BBS9: variants seen among roughly 807,000 people sequenced by gnomAD.
BBS9 encodes Bardet-Biedl syndrome 9, also known as protein PTHB1.
Under a neutral mutation model 117.7 loss-of-function variants are expected in BBS9, and 89 were observed. That is an observed-to-expected ratio of 0.76 (90% CI 0.64 to 0.90). The LOEUF (loss-of-function observed/expected upper bound fraction) is 0.90, where lower values mean the gene tolerates loss of function less well. Among genes scored for constraint, BBS9 ranks in the 40% least tolerant of loss-of-function variants. The pLI, the probability that BBS9 is intolerant of heterozygous loss-of-function variation, is 0.00. For missense variants in BBS9, 982 were observed against 1,042.2 expected (o/e 0.94, Z 0.80); for synonymous variants, 379 against 370.9 (o/e 1.02, Z -0.25).
intron 19 of BBS9, among the ~76,000 whole-genome samples, chr7:33,463,251 A>C (rs1276314805): frequency 6.6e-6 from 1 of 152,070 alleles, no homozygotes; most frequent in Non-Finnish European, 1.5e-5. Flanking sequence ...CGTAGACCAA[A>C]ACACAGACAG....
At chr7:33,520,265 G>A (rs916206264) in intron 20 of BBS9, among the ~76,000 whole-genome samples, 2 of 152,070 alleles carry the variant, frequency 1.3e-5, no homozygotes, top group African/African-American at 4.8e-5. Flanking sequence ...ACCTGCCTCG[G>A]CCTCCCAAAG....
chr7:33,326,371 G>C (rs184146082), intron 9 of BBS9, among the ~76,000 whole-genome samples: 1 of 152,160 alleles, frequency 6.6e-6, no homozygotes, highest in Admixed American at 6.5e-5. Context: ...AATGCTGCCA[G>C]GCTTGAGCAG....
intron 4 of BBS9, among the ~76,000 whole-genome samples, chr7:33,158,186 T>A (rs1353505763): frequency 6.6e-6 from 1 of 152,192 alleles, no homozygotes; most frequent in Non-Finnish European, 1.5e-5. Context: ...GGCTTTGAGT[T>A]TAACATCCTT....
At chr7:33,274,998 A>G in intron 9 of BBS9, among the ~76,000 whole-genome samples, 1 of 148,444 alleles carries the variant, frequency 6.7e-6, no homozygotes, top group Non-Finnish European at 1.5e-5. Flanking sequence ...GTGTCTCAAA[A>G]AAAAAAAAAA....
chr7:33,239,031 C>A (rs533648724), intron 5 of BBS9, among the ~76,000 whole-genome samples: 1 of 152,178 alleles, frequency 6.6e-6, no homozygotes, highest in African/African-American at 2.4e-5. Flanking sequence ...GGACAAAAAG[C>A]TTTTGACGCA....
At chr7:33,442,556 A>C (rs1836365586) in intron 19 of BBS9, among the ~76,000 whole-genome samples, 1 of 152,222 alleles carries the variant, frequency 6.6e-6, no homozygotes, top group Admixed American at 6.5e-5. Flanking sequence ...TTTTTAAAAT[A>C]GTAAGCTAAA....
intron 5 of BBS9, among the ~76,000 whole-genome samples, chr7:33,225,272 A>G (rs1791025406): frequency 6.6e-6 from 1 of 152,100 alleles, no homozygotes; most frequent in Admixed American, 6.6e-5. Flanking sequence ...ATCACAGCTC[A>G]CTGTGGCCTT....
rs988482674 is a variant in BBS9, at chr7:33,455,697, G to C, written c.2116-49766G>C. ...ACACCCCCATGTGGTGTGGTAATTA[G>C]GGTACTGATTTTCTTTAAAAAGGCC... On this transcript the variant is annotated intron_variant, in intron 19 of 22. Transcript: ENST00000242067. 2.0e-5 allele frequency among the ~76,000 whole-genome samples: 3 copies of C among 152,068 alleles called. No individual in the cohort carries two copies. The South Asian group carries it at 6.2e-4, about 31-fold the overall frequency.
Position 33,351,243 on chromosome 7 carries a change from G to A in BBS9, c.1457G>A (p.Ser486Asn), listed in dbSNP as rs773866720. The A allele has an allele frequency of 2.5e-6, 4 of 1,610,818 alleles. No homozygotes were observed. The highest frequency in any genetic ancestry group is 3.4e-6 in the Non-Finnish European group (4 of 1,177,150). Residue 486 changes from serine (S) to asparagine (N), a missense_variant, in exon 14 of 23, where the codon AGC becomes AAC. By Grantham distance (46) the Ser-to-Asn change is conservative. Coordinates refer to ENST00000242067, the MANE Select transcript of BBS9 (RefSeq NM_198428.3). ...FMTPDLTRTV[S>N]FSVYLKRSYT... is the part of the protein sequence containing the mutation. ...GCACCAGATTTGACTAGAACAGTAA[G>A]CTTTTCTGTTTATCTGAAAAGAAGT...
At chr7:33,562,886 T>A (rs1009613229) in intron 21 of BBS9, among the ~76,000 whole-genome samples, 1 of 151,706 alleles carries the variant, frequency 6.6e-6, no homozygotes, top group East Asian at 1.9e-4. Context: ...ATTGTGCCAC[T>A]GCACTCCAGG....
chr7:33,142,076 C>T (rs1169742603), intron 1 of BBS9, among the ~76,000 whole-genome samples: 5 of 152,074 alleles, frequency 3.3e-5, no homozygotes, highest in Non-Finnish European at 7.4e-5. Context: ...ACTGGGACTA[C>T]CCGCCCGGCT....
intron 21 of BBS9, among the ~76,000 whole-genome samples, chr7:33,562,386 A>G (rs1856223232): frequency 6.6e-6 from 1 of 152,216 alleles, no homozygotes; most frequent in South Asian, 2.1e-4. Context: ...AACAACAGCT[A>G]CTCAAAAGGA....
intron 1 of BBS9, among the ~76,000 whole-genome samples, chr7:33,143,503 G>A (rs28778101): frequency 0.16 from 24,560 of 151,768 alleles, 2,128 homozygotes; most frequent in South Asian, 0.21. Flanking sequence ...ATTTTGAACT[G>A]ATTTTCAGTT....
rs190428698 is a variant in BBS9 at position 33,302,583 on chromosome 7, C to T, written c.1016+28627C>T. Among the ~76,000 whole-genome samples, 112 of 152,246 alleles carry T rather than the reference C, an allele frequency of 7.4e-4. 1 individual carries two copies. Among genetic ancestry groups the T allele is most frequent in the Admixed American group, 5.8e-3 (88 of 15,304 alleles). On this transcript the variant is annotated intron_variant, in intron 9 of 22. Transcript: ENST00000242067. ...GACACCTTTGTCAAAAATTAGTTCACTGTAGATGTTTTGATTTGTTTCTGG... is the reference window on the plus strand; with the variant it reads ...GACACCTTTGTCAAAAATTAGTTCATTGTAGATGTTTTGATTTGTTTCTGG...
At chr7:33,221,859 TA>T (rs1158111927) in intron 5 of BBS9, among the ~76,000 whole-genome samples, 2 of 152,158 alleles carry the variant, frequency 1.3e-5, no homozygotes, top group South Asian at 2.1e-4. Flanking sequence ...ATGAAATACT[TA>T]AAAAATCATA....
Position 33,403,667 on chromosome 7 carries a change from A to G in BBS9, c.2115+15523A>G, listed in dbSNP as rs537132048. 8.3e-4 allele frequency among the ~76,000 whole-genome samples: 126 copies of G among 151,974 alleles called. 1 individual carries two copies. Among genetic ancestry groups the G allele is most frequent in the African/African-American group, 2.6e-3 (106 of 41,434 alleles). Reference sequence around the variant, plus strand: ...AACTCATCATTTTTTATGGCTGCGTAGTATTCCATGGTGTATATGTGCCAC... The same window carrying G: ...AACTCATCATTTTTTATGGCTGCGTGGTATTCCATGGTGTATATGTGCCAC... On this transcript the variant is annotated intron_variant, in intron 19 of 22. Coordinates refer to ENST00000242067, the MANE Select transcript of BBS9 (RefSeq NM_198428.3).
At chr7:33,153,195 G>A (rs1487575249) in intron 3 of BBS9, among the ~76,000 whole-genome samples, 2 of 152,120 alleles carry the variant, frequency 1.3e-5, no homozygotes, top group Non-Finnish European at 2.9e-5. Flanking sequence ...AGATGAAGTA[G>A]CAGATAACCA....
chr7:33,291,860 G>GT (rs1305300291), intron 9 of BBS9, among the ~76,000 whole-genome samples: 1 of 152,152 alleles, frequency 6.6e-6, no homozygotes, highest in Non-Finnish European at 1.5e-5. Flanking sequence ...CCTTAAGTAG[G>GT]TTTTTTCTAT....
intron 20 of BBS9, among the ~76,000 whole-genome samples, chr7:33,521,005 G>A (rs199543192): frequency 6.6e-6 from 1 of 150,658 alleles, no homozygotes; most frequent in South Asian, 2.1e-4. Context: ...ATTTTTTTTT[G>A]TAAGTTGCTT....
Sources: allele counts gnomAD v4.1 joint callset (sites outside exome capture counted in the v4.1 genomes callset), GRCh38; gene constraint gnomAD v4.1.1; transcripts MANE v1.5; gene names NCBI Gene and HGNC (gene_info 2026-07-23, HGNC 2026-07-21).